TRPM3: variants seen among roughly 807,000 people sequenced by gnomAD.
TRPM3 encodes the protein transient receptor potential cation channel subfamily M member 3.
In TRPM3, 77 loss-of-function variants were observed where a neutral mutation model predicts 181.2. That is an observed-to-expected ratio of 0.42 (90% confidence interval 0.35 to 0.51). The LOEUF is 0.51. Among genes scored for constraint, TRPM3 ranks in the 20% least tolerant of loss-of-function variants. The pLI is 0.01. For missense variants in TRPM3, 1,759 were observed against 2,196.7 expected (o/e 0.80, Z 3.98); for synonymous variants, 745 against 796.4 (o/e 0.94, Z 1.09).
At chr9:70,606,298 C>T (rs1313140854) in intron 19 of TRPM3, among the ~76,000 whole-genome samples, 1 of 152,138 alleles carries the variant, frequency 6.6e-6, no homozygotes, top group African/African-American at 2.4e-5. Flanking sequence ...TTCCCTTAGT[C>T]CTTACTTCCC....
chr9:70,658,302 AC>A (rs2060647215), intron 9 of TRPM3, among the ~76,000 whole-genome samples: 1 of 152,076 alleles, frequency 6.6e-6, no homozygotes, highest in African/African-American at 2.4e-5. Context: ...AGTGTTTTAA[AC>A]CTTTGATATT....
At chr9:71,292,787 A>AT (rs773700494) in intron 1 of TRPM3, among the ~76,000 whole-genome samples, 1 of 151,826 alleles carries the variant, frequency 6.6e-6, no homozygotes, top group Non-Finnish European at 1.5e-5. Flanking sequence ...ACTTCTACAA[A>AT]TTTTTTACAA....
intron 1 of TRPM3, among the ~76,000 whole-genome samples, chr9:70,978,243 C>A (rs1384811597): frequency 6.6e-6 from 1 of 152,182 alleles, no homozygotes; most frequent in African/African-American, 2.4e-5. Context: ...CTAGCTGTAG[C>A]GCAGCTATGA....
rs780037738 is a variant in TRPM3, at chr9:70,988,676, C to T, written c.178-124165G>A. On this transcript the variant is annotated intron_variant, in intron 1 of 25. Transcript: ENST00000677713. Reference sequence around the variant, plus strand: ...CAGTTGATCTTAAAATATGATTATTCTTGTGGGCCTAATCTAATCACATGA... The same window carrying T: ...CAGTTGATCTTAAAATATGATTATTTTTGTGGGCCTAATCTAATCACATGA... Among the ~76,000 whole-genome samples, 72 of 152,246 alleles carry T rather than the reference C, an allele frequency of 4.7e-4. 1 individual carries two copies. Among genetic ancestry groups the T allele is most frequent in the Non-Finnish European group, 8.8e-4 (60 of 68,012 alleles).
At chr9:70,678,483 G>C (rs2064610382) in intron 9 of TRPM3, among the ~76,000 whole-genome samples, 1 of 152,128 alleles carries the variant, frequency 6.6e-6, no homozygotes, top group South Asian at 2.1e-4. Context: ...AATATAAATA[G>C]TATCCTCTAA....
intron 3 of TRPM3, among the ~76,000 whole-genome samples, chr9:70,855,240 A>G (rs2095356405): frequency 6.6e-6 from 1 of 152,208 alleles, no homozygotes; most frequent in Non-Finnish European, 1.5e-5. Context: ...AACCCACAGT[A>G]GGCAAAGGCT....
At chr9:70,899,000 A>G (rs1054887202) in intron 1 of TRPM3, among the ~76,000 whole-genome samples, 5 of 152,094 alleles carry the variant, frequency 3.3e-5, no homozygotes. Context: ...GAAATCATAC[A>G]CTATCCATAG....
At chr9:70,580,487 A>C (rs574156158) in intron 22 of TRPM3, among the ~76,000 whole-genome samples, 1 of 152,174 alleles carries the variant, frequency 6.6e-6, no homozygotes, top group Non-Finnish European at 1.5e-5. Context: ...TCAGACAAAA[A>C]CAATATGGTG....
intron 12 of TRPM3, among the ~76,000 whole-genome samples, chr9:70,634,864 G>T (rs955747731): frequency 5.3e-5 from 8 of 152,102 alleles, no homozygotes; most frequent in African/African-American, 1.9e-4. Flanking sequence ...TACTCTTGTG[G>T]TCAGTCAGGC....
intron 3 of TRPM3, among the ~76,000 whole-genome samples, chr9:70,860,445 T>C (rs955321033): frequency 6.6e-6 from 1 of 152,144 alleles, no homozygotes; most frequent in Non-Finnish European, 1.5e-5. Flanking sequence ...TTAACATGAA[T>C]TGACTCATTT....
intron 3 of TRPM3, among the ~76,000 whole-genome samples, chr9:70,855,340 C>T (rs923660315): frequency 3.3e-5 from 5 of 152,218 alleles, no homozygotes; most frequent in Non-Finnish European, 7.3e-5. Context: ...TTGGCATTCT[C>T]AATTTGAGTT....
intron 5 of TRPM3, among the ~76,000 whole-genome samples, chr9:70,830,588 AG>A (rs2093828054): frequency 6.6e-6 from 1 of 152,218 alleles, no homozygotes; most frequent in African/African-American, 2.4e-5. Flanking sequence ...CTGAATAATA[AG>A]GGATAAAAAT....
intron 1 of TRPM3, among the ~76,000 whole-genome samples, chr9:71,144,222 T>C (rs1238004352): frequency 6.6e-6 from 1 of 152,142 alleles, no homozygotes; most frequent in African/African-American, 2.4e-5. Context: ...TTACTCTGGT[T>C]TGACCTTGTG....
Position 70,629,214 on chromosome 9 carries a change from C to CGGGGGGCGG in TRPM3, c.1633-3698_1633-3697insCCGCCCCCC, listed in dbSNP as rs749123989. Among the ~76,000 whole-genome samples the CGGGGGGCGG allele has an allele frequency of 3.6e-4, 7 of 19,672 alleles. 3 individuals carry two copies. The highest frequency in any genetic ancestry group is 7.5e-4 in the Non-Finnish European group (7 of 9,272). The allele number at this position is 19,672 out of a possible 152,430, so 12.9% of individuals were successfully genotyped here. Reference sequence around the variant, plus strand: ...AGGATAAATGATTCTGTGACCAGTGCCGGGGGGGGGGGGGGCCTGCGTTCT... The same window carrying CGGGGGGCGG: ...AGGATAAATGATTCTGTGACCAGTGCGGGGGGCGGCGGGGGGGGGGGGGGCCTGCGTTCT... On this transcript the variant is annotated intron_variant, in intron 12 of 25. Coordinates refer to ENST00000677713, the MANE Select transcript of TRPM3 (RefSeq NM_001366145.2).
upstream of TRPM3, among the ~76,000 whole-genome samples, chr9:71,122,387 T>G (rs2073744269): frequency 6.6e-6 from 1 of 152,172 alleles, no homozygotes; most frequent in South Asian, 2.1e-4. Flanking sequence ...GTTGGGACGG[T>G]GAGATGAGAA....
chr9:71,257,567 C>A (rs570811196), intron 1 of TRPM3, among the ~76,000 whole-genome samples: 3 of 152,088 alleles, frequency 2.0e-5, no homozygotes, highest in South Asian at 4.1e-4. Flanking sequence ...TAGCAAAGCA[C>A]GGGCCTGATT....
chr9:71,375,175 A>G (rs1055771059), intron 1 of TRPM3, among the ~76,000 whole-genome samples: 5 of 152,166 alleles, frequency 3.3e-5, no homozygotes, highest in Non-Finnish European at 7.4e-5. Flanking sequence ...ACAAGGACAC[A>G]TAGACCATTG....
intron 1 of TRPM3, among the ~76,000 whole-genome samples, chr9:71,100,775 A>G (rs1221453415): frequency 6.6e-6 from 1 of 152,148 alleles, no homozygotes; most frequent in African/African-American, 2.4e-5. Flanking sequence ...TGTACTTCCC[A>G]TTAGACTTCT....
At chr9:70,567,900 T>G (rs1057436306) in intron 22 of TRPM3, among the ~76,000 whole-genome samples, 1 of 152,152 alleles carries the variant, frequency 6.6e-6, no homozygotes, top group Non-Finnish European at 1.5e-5. Context: ...CGCTTTGTGC[T>G]GCATTCTCAA....
Sources: allele counts gnomAD v4.1 joint callset (sites outside exome capture counted in the v4.1 genomes callset), GRCh38; gene constraint gnomAD v4.1.1; transcripts MANE v1.5; gene names NCBI Gene and HGNC (gene_info 2026-07-23, HGNC 2026-07-21).